STXBP5L: variants seen among roughly 807,000 people sequenced by gnomAD.
STXBP5L encodes syntaxin binding protein 5L.
In STXBP5L, 65 loss-of-function variants were observed where a neutral mutation model predicts 144.5. That is an observed-to-expected ratio of 0.45 (90% CI 0.37 to 0.55). The LOEUF is 0.55. STXBP5L is among the 20% of genes least tolerant of loss of function. The pLI, the probability that STXBP5L is intolerant of heterozygous loss-of-function variation, is 0.00. For missense variants in STXBP5L, 1,298 were observed against 1,405.5 expected (o/e 0.92, Z 1.22); for synonymous variants, 505 against 469.6 (o/e 1.08, Z -0.97).
At chr3:121,181,730 C>G (rs545840979) in intron 9 of STXBP5L, among the ~76,000 whole-genome samples, 3 of 151,788 alleles carry the variant, frequency 2.0e-5, no homozygotes, top group African/African-American at 7.3e-5. Flanking sequence ...AGAATGAGAC[C>G]CTATCTCAAA....
chr3:121,128,267 G>A (rs767620411), intron 7 of STXBP5L, among the ~76,000 whole-genome samples: 4 of 151,894 alleles, frequency 2.6e-5, no homozygotes, highest in Non-Finnish European at 5.9e-5. Context: ...TTGCTGGCAT[G>A]GCTCCTTGAA....
chr3:121,194,723 T>C (rs1420890255), intron 9 of STXBP5L, among the ~76,000 whole-genome samples: 1 of 152,124 alleles, frequency 6.6e-6, no homozygotes, highest in East Asian at 1.9e-4. Flanking sequence ...GAGAGATTTT[T>C]CCAATTACAA....
At chr3:121,282,645 G>C (rs1010496538) in intron 19 of STXBP5L, among the ~76,000 whole-genome samples, 11 of 151,940 alleles carry the variant, frequency 7.2e-5, no homozygotes, top group Non-Finnish European at 1.5e-4. Flanking sequence ...ATGATGCCCT[G>C]TAAATAATAA....
At chr3:121,223,179 A>G in intron 11 of STXBP5L, 22 bp downstream of exon 11, 3 of 1,561,984 alleles carry the variant, frequency 1.9e-6, no homozygotes. Flanking sequence ...AAATGAAACT[A>G]TTAATGTTGA....
At position 121,043,961 on chromosome 3, in the gene STXBP5L, A is replaced by C. The variant is rs971424965; in HGVS notation, c.370-1474A>C. Among the ~76,000 whole-genome samples, 8 of 152,308 alleles carry C rather than the reference A, an allele frequency of 5.3e-5. No homozygotes were observed. The East Asian group carries it at 9.7e-4, about 18-fold the overall frequency. On this transcript the variant is annotated intron_variant, in intron 4 of 26. Transcript: ENST00000471454. ...AGACCAGTATACTGTATTCAAAAAA[A>C]TCAAGTGTAACTCATCAAATGCTTC... is the stretch of plus-strand genomic sequence containing the variant.
Position 121,404,665 on chromosome 3 carries a change from T to C in STXBP5L, c.2588-2578T>C, listed in dbSNP as rs548576189. On this transcript the variant is annotated intron_variant, in intron 22 of 26. Coordinates refer to ENST00000471454, the MANE Select transcript of STXBP5L (RefSeq NM_001308330.2). ...AGAATCTGAGATTTTATTCTACTTG[T>C]AAGCTAATAAAGTTAGGTTGCCAGT... is the stretch of plus-strand genomic sequence containing the variant. Among the ~76,000 whole-genome samples, 75 of 152,278 alleles carry C rather than the reference T, an allele frequency of 4.9e-4. 2 individuals carry two copies. Among genetic ancestry groups the C allele is most frequent in the South Asian group, 1.0e-3 (5 of 4,832 alleles).
At chr3:121,281,786 A>G (rs1448194874) in intron 19 of STXBP5L, among the ~76,000 whole-genome samples, 1 of 152,018 alleles carries the variant, frequency 6.6e-6, no homozygotes, top group Admixed American at 6.6e-5. Flanking sequence ...AGTGTACAAG[A>G]TGACACAGTG....
intron 3 of STXBP5L, among the ~76,000 whole-genome samples, chr3:121,002,401 G>T (rs190483467): frequency 1.5e-4 from 22 of 151,566 alleles, no homozygotes; most frequent in African/African-American, 4.8e-4. Context: ...AAATTTGAGG[G>T]TTTTTTTTGT....
At chr3:121,016,798 T>A (rs563745248) in intron 3 of STXBP5L, among the ~76,000 whole-genome samples, 2 of 152,280 alleles carry the variant, frequency 1.3e-5, no homozygotes, top group Non-Finnish European at 2.9e-5. Flanking sequence ...TTATTAGTAA[T>A]CTTCCAAAAC....
chr3:121,171,022 C>A (rs997227598), intron 9 of STXBP5L, among the ~76,000 whole-genome samples: 2 of 152,164 alleles, frequency 1.3e-5, no homozygotes, highest in Admixed American at 1.3e-4. Flanking sequence ...CCCTGGGAAG[C>A]AAGGCTGGTT....
chr3:121,066,408 A>T (rs1334408201), intron 5 of STXBP5L, among the ~76,000 whole-genome samples: 2 of 150,742 alleles, frequency 1.3e-5, no homozygotes, highest in African/African-American at 4.9e-5. Context: ...TATATATTTT[A>T]AATCATGAAT....
intron 19 of STXBP5L, among the ~76,000 whole-genome samples, chr3:121,297,202 A>ATATG (rs2051689060): frequency 1.3e-5 from 2 of 148,340 alleles, no homozygotes; most frequent in South Asian, 4.3e-4. Context: ...TCTACATTAT[A>ATATG]TGTGTGTGTG....
chr3:121,413,037 TAAAAATAA>T, intron 23 of STXBP5L, 113 bp from the exon 24 acceptor site: 1 of 875,906 alleles, frequency 1.1e-6, no homozygotes, highest in South Asian at 3.2e-5. Context: ...CAAAAAAATA[TAAAAATAA>T]AAAAATAAAA....
intron 18 of STXBP5L, among the ~76,000 whole-genome samples, chr3:121,265,673 G>C (rs2050538719): frequency 6.6e-6 from 1 of 152,064 alleles, no homozygotes; most frequent in Admixed American, 6.6e-5. Flanking sequence ...GAAAATCAAT[G>C]AATCCAGGAG....
chr3:120,942,583 C>CT (rs1026765189), intron 2 of STXBP5L, among the ~76,000 whole-genome samples: 34 of 149,768 alleles, frequency 2.3e-4, no homozygotes, highest in African/African-American at 6.6e-4. Flanking sequence ...AATTTCCTCC[C>CT]TTTTTTTTTG....
At chr3:121,096,244 A>ACCT (rs2043122334) in intron 5 of STXBP5L, among the ~76,000 whole-genome samples, 1 of 151,738 alleles carries the variant, frequency 6.6e-6, no homozygotes, top group African/African-American at 2.4e-5. Flanking sequence ...TCTTGGAACC[A>ACCT]CCTCCTCCTC....
intron 7 of STXBP5L, among the ~76,000 whole-genome samples, chr3:121,129,275 T>C (rs2044859918): frequency 6.6e-6 from 1 of 152,040 alleles, no homozygotes; most frequent in African/African-American, 2.4e-5. Flanking sequence ...AAATGGAATC[T>C]CCTGAAACTG....
intron 19 of STXBP5L, among the ~76,000 whole-genome samples, chr3:121,305,301 T>A (rs978649041): frequency 6.6e-6 from 1 of 152,140 alleles, no homozygotes; most frequent in African/African-American, 2.4e-5. Context: ...AGGAAATCTT[T>A]CCAACTGTTT....
intron 19 of STXBP5L, among the ~76,000 whole-genome samples, chr3:121,306,941 C>T (rs1448726569): frequency 6.6e-6 from 1 of 152,062 alleles, no homozygotes; most frequent in Non-Finnish European, 1.5e-5. Context: ...TGTGATTTGG[C>T]AGTGTAACAG....
Sources: allele counts gnomAD v4.1 joint callset (sites outside exome capture counted in the v4.1 genomes callset), GRCh38; gene constraint gnomAD v4.1.1; transcripts MANE v1.5; gene names NCBI Gene and HGNC (gene_info 2026-07-23, HGNC 2026-07-21).